Variants in EPC1 observed in about 807,000 individuals in gnomAD.
The protein encoded by EPC1 is enhancer of polycomb homolog 1.
A neutral mutation model predicts 98.4 loss-of-function variants in EPC1; 12 were observed. The ratio of observed to expected loss-of-function variants is 0.12; its 90% CI spans 0.08 to 0.20. The LOEUF (loss-of-function observed/expected upper bound fraction) is 0.20, where lower values mean the gene tolerates loss of function less well. Ranked by LOEUF, EPC1 falls within the 10% of genes least tolerant of loss-of-function variation. EPC1 has a pLI of 1.00. For synonymous variants in EPC1, 357 were observed against 363.9 expected (o/e 0.98, Z 0.21); for missense variants, 729 against 990.5 (o/e 0.74, Z 3.54).
In EPC1 at chr10:32,268,929, A is replaced by G; in HGVS notation, c.*134T>C. The G allele has an allele frequency of 1.5e-6, 1 of 685,068 alleles. No homozygotes were observed. Among genetic ancestry groups the G allele is most frequent in the Non-Finnish European group, 2.5e-6 (1 of 398,300 alleles). The allele number at this position is 685,068 out of a possible 1,614,324, so 42.4% of individuals were successfully genotyped here. ...GAAAAGAAAAATTGAAGCATGAGAG[A>G]TGAGCATTGCTGTCAAGTCCCCACA... is the stretch of plus-strand genomic sequence containing the variant. On this transcript the variant is annotated 3_prime_UTR_variant, in exon 14 of 14. Coordinates refer to ENST00000319778, the MANE Select transcript of EPC1 (RefSeq NM_001272004.3).
intron 2 of EPC1, among the ~76,000 whole-genome samples, chr10:32,293,967 T>C (rs1023682732): frequency 6.6e-6 from 1 of 152,150 alleles, no homozygotes; most frequent in East Asian, 1.9e-4. Flanking sequence ...TAAAAGACAA[T>C]GGATGCGACA....
intron 1 of EPC1, among the ~76,000 whole-genome samples, chr10:32,338,021 G>A (rs1838083118): frequency 6.6e-6 from 1 of 152,164 alleles, no homozygotes; most frequent in Non-Finnish European, 1.5e-5. Flanking sequence ...TTCATAAGCT[G>A]AAGACTCTCA....
chr10:32,271,462 C>T, intron 13 of EPC1, 92 bp downstream of exon 13: 1 of 1,384,654 alleles, frequency 7.2e-7, no homozygotes, highest in East Asian at 2.3e-5. Flanking sequence ...AGGAAAAGAA[C>T]AAGAAACACA....
chr10:32,269,417 A>C, intron 13 of EPC1: 1 of 295,156 alleles, frequency 3.4e-6, no homozygotes, highest in Admixed American at 4.8e-5. Flanking sequence ...TGTTTTAGTA[A>C]TTGTTGTTTC....
intron 6 of EPC1, among the ~76,000 whole-genome samples, chr10:32,289,042 T>C (rs2132714985): frequency 6.6e-6 from 1 of 152,104 alleles, no homozygotes; most frequent in East Asian, 1.9e-4. Flanking sequence ...TGAGCCAAGA[T>C]TGCGCCACTG....
At chr10:32,362,767 C>G (rs1333400414) in intron 1 of EPC1, among the ~76,000 whole-genome samples, 1 of 152,192 alleles carries the variant, frequency 6.6e-6, no homozygotes, top group Non-Finnish European at 1.5e-5. Flanking sequence ...AGGCACCAAA[C>G]TAACACATGG....
intron 1 of EPC1, among the ~76,000 whole-genome samples, chr10:32,324,823 C>T (rs777471653): frequency 2.6e-5 from 4 of 152,098 alleles, no homozygotes; most frequent in Non-Finnish European, 5.9e-5. Context: ...GAAACCCCGT[C>T]TCCACGAAAA....
intron 2 of EPC1, among the ~76,000 whole-genome samples, chr10:32,300,906 C>A (rs1470093448): frequency 6.6e-6 from 1 of 152,112 alleles, no homozygotes; most frequent in Non-Finnish European, 1.5e-5. Flanking sequence ...ACCTACCCTG[C>A]CTCAGCCCTG....
intron 2 of EPC1, among the ~76,000 whole-genome samples, chr10:32,301,053 T>A (rs1011967747): frequency 1.3e-5 from 2 of 149,716 alleles, no homozygotes; most frequent in South Asian, 2.2e-4. Flanking sequence ...TATCTATCTA[T>A]CTATCTATCT....
At chr10:32,286,881 T>A in intron 8 of EPC1, 39 bp from the exon 9 acceptor site, 1 of 1,611,108 alleles carries the variant, frequency 6.2e-7, no homozygotes, top group Non-Finnish European at 8.5e-7. Context: ...TTTTGTCAGT[T>A]AAAGGTAAAT....
At chr10:32,310,184 G>A (rs1433315424) in intron 1 of EPC1, among the ~76,000 whole-genome samples, 1 of 152,060 alleles carries the variant, frequency 6.6e-6, no homozygotes, top group African/African-American at 2.4e-5. Context: ...GACAGAGTGA[G>A]ATATTGTCTC....
At chr10:32,295,950 GTCTC>G (rs996182852) in intron 2 of EPC1, among the ~76,000 whole-genome samples, 1 of 150,452 alleles carries the variant, frequency 6.6e-6, no homozygotes, top group African/African-American at 2.5e-5. Flanking sequence ...CTGAGACAGA[GTCTC>G]TCTCTGTCAC....
At chr10:32,290,505 A>AAAAAAAAAAAAAAG (rs1554819136) in intron 6 of EPC1, among the ~76,000 whole-genome samples, 5 of 77,480 alleles carry the variant, frequency 6.5e-5, no homozygotes, top group African/African-American at 1.7e-4. Context: ...AAAAAAAAAA[A>AAAAAAAAAAAAAAG]AAAGAAAGAA....
chr10:32,282,109 G>C (rs1289430671), intron 10 of EPC1: 2 of 152,042 alleles, frequency 1.3e-5, no homozygotes, highest in Non-Finnish European at 2.9e-5. Context: ...AAATATAAAT[G>C]AACAGTGTTA....
chr10:32,321,854 T>A (rs1209946759), intron 1 of EPC1, among the ~76,000 whole-genome samples: 1 of 151,766 alleles, frequency 6.6e-6, no homozygotes, highest in East Asian at 1.9e-4. Context: ...TGGTTGGTAC[T>A]CAGGGGAAGA....
rs1278828187 is a variant in EPC1 at position 32,337,384 on chromosome 10, C to CATGGACAGGATCAGATCAGTTTTCAGCT, written c.153+9351_153+9378dup. On this transcript the variant is annotated intron_variant, in intron 1 of 13. Coordinates refer to ENST00000319778, the MANE Select transcript of EPC1 (RefSeq NM_001272004.3). ...CTTTTCCCTAGACTTGGAAGTTCCT[C>CATGGACAGGATCAGATCAGTTTTCAGCT]ATGGACAGGATCAGATCAGTTTTCA... Among the ~76,000 whole-genome samples the CATGGACAGGATCAGATCAGTTTTCAGCT allele has an allele frequency of 2.0e-5, 3 of 152,194 alleles. No individual in the cohort carries two copies. The East Asian group carries it at 5.8e-4, about 29-fold the overall frequency.
At chr10:32,332,984 G>A (rs1031632681) in intron 1 of EPC1, among the ~76,000 whole-genome samples, 3 of 152,168 alleles carry the variant, frequency 2.0e-5, no homozygotes, top group Non-Finnish European at 2.9e-5. Context: ...AACTAGAAGA[G>A]GAGGTATCCT....
intron 1 of EPC1, among the ~76,000 whole-genome samples, chr10:32,309,146 G>A (rs975112922): frequency 5.3e-5 from 8 of 152,198 alleles, no homozygotes; most frequent in African/African-American, 1.2e-4. Flanking sequence ...GGTAGAAAAA[G>A]TGGGGATGGT....
At chr10:32,344,991 C>G (rs1486335455) in intron 1 of EPC1, 3 of 298,214 alleles carry the variant, frequency 1.0e-5, no homozygotes, top group South Asian at 2.6e-4. Context: ...CTTTCCCCTT[C>G]CTTGGCTGCT....
Sources: allele counts gnomAD v4.1 joint callset (sites outside exome capture counted in the v4.1 genomes callset), GRCh38; gene constraint gnomAD v4.1.1; transcripts MANE v1.5; gene names NCBI Gene and HGNC (gene_info 2026-07-23, HGNC 2026-07-21).